The following RIMS2 variants were observed in gnomAD, a reference collection of about 807,000 sequenced individuals.
RIMS2 encodes regulating synaptic membrane exocytosis protein 2.
RIMS2 carries 59 observed loss-of-function variants against 174.4 expected under a neutral mutation model. The observed-to-expected ratio is 0.34, with a 90% CI of 0.27 to 0.42. The LOEUF (loss-of-function observed/expected upper bound fraction) is 0.42. RIMS2 is among the 10% of genes least tolerant of loss of function. The pLI is 1.00. For synonymous variants in RIMS2, 606 were observed against 572.5 expected, an observed-to-expected ratio of 1.06 and a Z score of -0.84; for missense variants, 1,620 against 1,666.3, an observed-to-expected ratio of 0.97 and a Z score of 0.48.
intron 1 of RIMS2, among the ~76,000 whole-genome samples, chr8:103,551,032 G>A (rs1847603178): frequency 6.6e-6 from 1 of 152,094 alleles, no homozygotes; most frequent in African/African-American, 2.4e-5. Flanking sequence ...AAGATGAGCT[G>A]GTACCATTTC....
chr8:103,710,953 C>T (rs1229398641), intron 2 of RIMS2, among the ~76,000 whole-genome samples: 1 of 152,084 alleles, frequency 6.6e-6, no homozygotes, highest in East Asian at 1.9e-4. Flanking sequence ...GTTCTTTATA[C>T]TCTGAAATAT....
intron 2 of RIMS2, among the ~76,000 whole-genome samples, chr8:103,714,223 T>TA (rs984017072): frequency 1.3e-5 from 2 of 152,338 alleles, no homozygotes; most frequent in Admixed American, 6.5e-5. Context: ...CTAGTGTACT[T>TA]ACTATGGGCA....
intron 19 of RIMS2, among the ~76,000 whole-genome samples, chr8:104,131,027 A>G (rs1345741221): frequency 2.0e-5 from 3 of 152,190 alleles, no homozygotes; most frequent in Admixed American, 6.6e-5. Flanking sequence ...CGGAGCTTCT[A>G]TTTTATTCTA....
intron 19 of RIMS2, among the ~76,000 whole-genome samples, chr8:104,070,057 G>C (rs1248703244): frequency 6.6e-6 from 1 of 152,146 alleles, no homozygotes; most frequent in Non-Finnish European, 1.5e-5. Context: ...TTAATCTGCA[G>C]TTTCTATTAC....
intron 1 of RIMS2, among the ~76,000 whole-genome samples, chr8:103,527,207 GCCAGAGATATGTCA>G (rs991341532): frequency 2.2e-4 from 34 of 152,212 alleles, no homozygotes; most frequent in African/African-American, 7.5e-4. Flanking sequence ...GACATATAAA[GCCAGAGATATGTCA>G]CCAGCTTCCC....
chr8:104,094,354 A>G (rs1334771850), intron 19 of RIMS2: 2 of 548,596 alleles, frequency 3.6e-6, no homozygotes, highest in Non-Finnish European at 6.4e-6. Flanking sequence ...TTTAAAAGAT[A>G]TAATTTTTAC....
chr8:104,000,266 T>C (rs2095326356), intron 17 of RIMS2, among the ~76,000 whole-genome samples: 1 of 151,742 alleles, frequency 6.6e-6, no homozygotes, highest in African/African-American at 2.4e-5. Flanking sequence ...ATGAGATCAA[T>C]TTTTAGCTCC....
At chr8:103,512,742 G>T (rs1827148820) in intron 1 of RIMS2, among the ~76,000 whole-genome samples, 1 of 152,000 alleles carries the variant, frequency 6.6e-6, no homozygotes, top group South Asian at 2.1e-4. Flanking sequence ...TAGAAAAGTG[G>T]GCAATCCTTA....
At chr8:103,976,143 A>G (rs564999083) in intron 16 of RIMS2, 1 of 152,386 alleles carries the variant, frequency 6.6e-6, no homozygotes, top group East Asian at 1.9e-4. Flanking sequence ...AGACCTATTT[A>G]TCACATATCG....
intron 19 of RIMS2, among the ~76,000 whole-genome samples, chr8:104,100,978 GAT>G (rs1192044102): frequency 0.017 from 1,723 of 104,310 alleles, 46 homozygotes; most frequent in African/African-American, 0.073. Flanking sequence ...TAGTATATAT[GAT>G]ATATTATATA....
At chr8:104,014,471 T>G (rs1220988959) in intron 18 of RIMS2, 35 bp from the exon 21 acceptor site, 6 of 1,183,832 alleles carry the variant, frequency 5.1e-6, no homozygotes, top group Non-Finnish European at 7.5e-6. Flanking sequence ...TGTAACTCAT[T>G]ATACTGAAAA....
At chr8:103,526,098 G>C (rs1226511489) in intron 1 of RIMS2, among the ~76,000 whole-genome samples, 2 of 152,166 alleles carry the variant, frequency 1.3e-5, no homozygotes, top group East Asian at 3.8e-4. Flanking sequence ...ACACTCATGG[G>C]GTGGGGCTAA....
chr8:103,657,366 C>A (rs766899099), intron 1 of RIMS2, among the ~76,000 whole-genome samples: 53 of 152,284 alleles, frequency 3.5e-4, no homozygotes, highest in Non-Finnish European at 6.6e-4. Context: ...TTATGTAAGA[C>A]AGAAGTGTCA....
At chr8:104,178,682 G>A (rs918404366) in intron 19 of RIMS2, among the ~76,000 whole-genome samples, 2 of 152,010 alleles carry the variant, frequency 1.3e-5, no homozygotes, top group African/African-American at 4.8e-5. Flanking sequence ...AGGTTATTTA[G>A]TTTCACATCA....
rs370834724 is a variant in RIMS2, at chr8:103,697,282, T to G, written c.373T>G (p.Leu125Val). ...TGCTCGTTGTGGAGGTCGAGTGTCA[T>G]TACGCTCAAACAAGGTACAGAAATG... The change falls in exon 2 of 24, where the codon TTA becomes GTA. Residue 125 changes from leucine (L) to valine (V), a missense_variant. Coordinates refer to ENST00000504942, the Ensembl canonical transcript of RIMS2. 47 of 1,612,612 alleles carry G rather than the reference T, an allele frequency of 2.9e-5. No homozygotes were observed. In the African/African-American group the frequency reaches 6.0e-4, roughly 21 times the overall value.
intron 4 of RIMS2, among the ~76,000 whole-genome samples, chr8:103,902,130 T>C (rs2073269646): frequency 6.6e-6 from 1 of 152,148 alleles, no homozygotes; most frequent in African/African-American, 2.4e-5. Context: ...GCAGAATTTA[T>C]TTCCTTTTGA....
At chr8:104,182,988 GA>G (rs2136014457) in intron 19 of RIMS2, among the ~76,000 whole-genome samples, 1 of 151,742 alleles carries the variant, frequency 6.6e-6, no homozygotes, top group South Asian at 2.1e-4. Flanking sequence ...CTCTTCCTTT[GA>G]GATTTAGGGG....
intron 2 of RIMS2, among the ~76,000 whole-genome samples, chr8:103,698,937 G>A (rs2097137869): frequency 6.6e-6 from 1 of 152,194 alleles, no homozygotes; most frequent in South Asian, 2.1e-4. Context: ...GGAAGAGATT[G>A]TGTAGAACTG....
chr8:104,146,446 G>A (rs2098640707), intron 19 of RIMS2, among the ~76,000 whole-genome samples: 1 of 152,112 alleles, frequency 6.6e-6, no homozygotes, highest in African/African-American at 2.4e-5. Context: ...TTGTTAGGTT[G>A]AAGAGAAGTG....
Sources: allele counts gnomAD v4.1 joint callset (sites outside exome capture counted in the v4.1 genomes callset), GRCh38; gene constraint gnomAD v4.1.1; transcripts MANE v1.5; gene names NCBI Gene and HGNC (gene_info 2026-07-23, HGNC 2026-07-21).